The following LRP5 variants were observed in gnomAD, a reference collection of about 807,000 sequenced individuals.
LRP5 encodes LDL receptor related protein 5.
Under a neutral mutation model 154.1 loss-of-function variants are expected in LRP5, and 62 were observed. The observed-to-expected ratio is 0.40, with a 90% CI of 0.33 to 0.50. The LOEUF (loss-of-function observed/expected upper bound fraction) is 0.50. Ranked by LOEUF, LRP5 falls within the 20% of genes least tolerant of loss-of-function variation. LRP5 has a pLI of 0.55. For synonymous variants in LRP5, 966 were observed against 1,011.5 expected (o/e 0.96, Z 0.85); for missense variants, 1,915 against 2,336.7 (o/e 0.82, Z 3.72).
At chr11:68,396,726 C>A (rs1209436942) in intron 7 of LRP5, among the ~76,000 whole-genome samples, 7 of 4,294 alleles carry the variant, frequency 1.6e-3, no homozygotes, top group African/African-American at 1.8e-3. Context: ...GACTGACACA[C>A]ACAGGGTTTT....
At chr11:68,310,498 T>C (rs530870025), upstream of LRP5, among the ~76,000 whole-genome samples, 1 of 152,320 alleles carries the variant, frequency 6.6e-6, no homozygotes, top group East Asian at 1.9e-4. Context: ...CACATGCCTG[T>C]AATCCCAGCT....
chr11:68,416,290 C>T (rs1331123908), intron 12 of LRP5, 38 bp from the exon 13 acceptor site: 5 of 1,588,944 alleles, frequency 3.1e-6, no homozygotes, highest in Admixed American at 3.3e-5. Flanking sequence ...CTGTGGCTTA[C>T]AGACACCCAC....
chr11:68,370,627 C>T (rs2098633538), intron 5 of LRP5, among the ~76,000 whole-genome samples: 1 of 152,228 alleles, frequency 6.6e-6, no homozygotes, highest in African/African-American at 2.4e-5. Flanking sequence ...CTCCACGCTC[C>T]CTAGAGACTC....
rs1365922615 is a variant in LRP5 at position 68,413,679 on chromosome 11, G to C, written c.2504-10G>C. ...CTTTGCTGACACCGTGCCCGTGTGT[G>C]TTCATGCAGGTCAGGAGCGGGTCGT... On this transcript the variant is annotated splice_polypyrimidine_tract_variant and intron_variant, in intron 11 of 22. Transcript: ENST00000294304. The surrounding 1 kb of genome is among the most constrained non-coding windows in gnomAD (Gnocchi z 5.1). 1.2e-6 allele frequency: 2 copies of C among 1,613,332 alleles called. No homozygotes were observed. Among genetic ancestry groups the C allele is most frequent in the Non-Finnish European group, 1.7e-6 (2 of 1,179,788 alleles).
At chr11:68,335,656 A>C (rs1309048732) in intron 1 of LRP5, among the ~76,000 whole-genome samples, 1 of 152,178 alleles carries the variant, frequency 6.6e-6, no homozygotes, top group African/African-American at 2.4e-5. Context: ...AAAGCCTCTC[A>C]TGCATATTCT....
intron 1 of LRP5, among the ~76,000 whole-genome samples, chr11:68,327,496 A>T (rs2098600392): frequency 6.6e-6 from 1 of 151,950 alleles, no homozygotes; most frequent in South Asian, 2.1e-4. Flanking sequence ...GCCCCCCCTT[A>T]GGCAGCATGA....
At chr11:68,310,038 T>G (rs143040962), upstream of LRP5, among the ~76,000 whole-genome samples, 57 of 152,324 alleles carry the variant, frequency 3.7e-4, no homozygotes, top group African/African-American at 1.3e-3. Flanking sequence ...AAAACTACAC[T>G]CTCTGCTCTC....
chr11:68,379,319 G>A (rs980830782), intron 5 of LRP5, among the ~76,000 whole-genome samples: 1 of 152,204 alleles, frequency 6.6e-6, no homozygotes, highest in African/African-American at 2.4e-5. Context: ...GAGTTTTGCT[G>A]TTCTTGTGGA....
chr11:68,371,908 T>G (rs181842094), intron 5 of LRP5, among the ~76,000 whole-genome samples: 50 of 152,282 alleles, frequency 3.3e-4, no homozygotes, highest in Admixed American at 2.3e-3. Context: ...GCAGTGAAAT[T>G]CAGAGTCGGG....
At chr11:68,434,053 G>A (rs1249451995) in intron 18 of LRP5, among the ~76,000 whole-genome samples, 2 of 152,146 alleles carry the variant, frequency 1.3e-5, no homozygotes, top group Non-Finnish European at 1.5e-5. Flanking sequence ...AGACTGTGAG[G>A]GTCTATCTCA....
At position 68,409,917 on chromosome 11, in the gene LRP5, A is replaced by G; in HGVS notation, c.2095A>G (p.Ile699Val). Residue 699 changes from isoleucine to valine, a missense_variant, in exon 10 of 23, where the codon ATC (isoleucine) becomes GTC (valine). Ile to Val is a conservative substitution (Grantham distance 29, BLOSUM62 3). This residue lies in a region of LRP5 where 773 missense variants were observed against 1,100.9 expected (regional missense o/e 0.70). Coordinates refer to ENST00000294304, the MANE Select transcript of LRP5 (RefSeq NM_002335.4). ...IYWTDVSLKT[I>V]SRAFMNGSSV... ...TTTCCTCCTCACCTGCTGCCAGACC[A>G]TCAGCCGCGCCTTCATGAACGGGAG... 1.9e-6 allele frequency: 3 copies of G among 1,612,900 alleles called. No homozygotes were observed. Among genetic ancestry groups the G allele is most frequent in the Non-Finnish European group, 2.5e-6 (3 of 1,179,544 alleles).
Position 68,426,002 on chromosome 11 carries a change from AC to A in LRP5, c.3453del (p.Asp1151GlufsTer10). The A allele has an allele frequency of 6.2e-7, 1 of 1,612,610 alleles. No homozygotes were observed. On this transcript the variant is annotated frameshift_variant, in exon 16 of 23. Transcript: ENST00000294304. LOFTEE classifies it high-confidence loss of function. ...GGGGCCAACCGCCTGACCCTGGAGGACGCCAACATCGTGCAGCCTCTGGGCC... is the reference window on the plus strand; with the variant it reads ...GGGGCCAACCGCCTGACCCTGGAGGAGCCAACATCGTGCAGCCTCTGGGCC... ...LSGANRLTLE[D>X]ANIVQPLGLT...
intron 2 of LRP5, among the ~76,000 whole-genome samples, chr11:68,350,007 T>G (rs2153131194): frequency 1.3e-5 from 2 of 152,252 alleles, no homozygotes. Flanking sequence ...CTTTGCCTGT[T>G]AGTTCATTCA....
At chr11:68,322,136 C>T (rs144048087) in intron 1 of LRP5, among the ~76,000 whole-genome samples, 4 of 152,324 alleles carry the variant, frequency 2.6e-5, no homozygotes, top group Admixed American at 2.6e-4. Flanking sequence ...CGGGCGTGGC[C>T]GTGCTGCCCT....
chr11:68,323,922 C>A (rs1158896374), intron 1 of LRP5, among the ~76,000 whole-genome samples: 1 of 152,222 alleles, frequency 6.6e-6, no homozygotes, highest in Non-Finnish European at 1.5e-5. Context: ...GGCTGTGCCT[C>A]CCCGCAGCCG....
upstream of LRP5, among the ~76,000 whole-genome samples, chr11:68,311,537 G>C (rs1267919516): frequency 1.3e-5 from 2 of 152,184 alleles, no homozygotes; most frequent in Admixed American, 1.3e-4. Flanking sequence ...CTGTCAATGG[G>C]GCTTTTGTTG....
At chr11:68,341,059 C>CTTTTGTTTTTTTTTTTTTTTTT (rs2098608756) in intron 1 of LRP5, among the ~76,000 whole-genome samples, 1 of 83,494 alleles carries the variant, frequency 1.2e-5, no homozygotes, top group African/African-American at 4.8e-5. Flanking sequence ...GGAGATTGTT[C>CTTTTGTTTTTTTTTTTTTTTTT]TTTTTTTTTT....
At chr11:68,357,587 A>G in intron 2 of LRP5, 63 bp from the exon 3 acceptor site, 1 of 1,456,600 alleles carries the variant, frequency 6.9e-7, no homozygotes, top group Admixed American at 1.8e-5. Context: ...GTCTGCATCT[A>G]TGCAGACAAA....
intron 5 of LRP5, among the ~76,000 whole-genome samples, chr11:68,377,651 G>A (rs986020980): frequency 2.0e-5 from 3 of 152,254 alleles, no homozygotes; most frequent in African/African-American, 7.2e-5. Context: ...ACTGTGGCCA[G>A]GCTGTTTATG....
Sources: gnomAD v4.1 joint callset for allele counts (sites outside exome capture counted in the v4.1 genomes callset) on GRCh38, gnomAD v4.1.1 for gene constraint, gnomAD v4.1.1 regional missense constraint, Gnocchi (gnomAD v3.1) non-coding constraint, MANE v1.5 for transcripts, NCBI Gene and HGNC (gene_info 2026-07-23, HGNC 2026-07-21) for gene names.